Variants in DST observed in about 807,000 individuals in gnomAD.
DST encodes bullous pemphigoid antigen.
Under a neutral mutation model 875.2 loss-of-function variants are expected in DST, and 253 were observed. That is an observed-to-expected ratio of 0.29 (90% CI 0.26 to 0.32). The LOEUF is 0.32. Among genes scored for constraint, DST ranks in the 10% least tolerant of loss-of-function variants. The probability of loss-of-function intolerance (pLI) is 1.00; values close to 1 mark genes in which losing one functional copy is unlikely to be tolerated. For synonymous variants in DST, 3,124 were observed against 3,197.1 expected, an observed-to-expected ratio of 0.98 and a Z score of 0.77; for missense variants, 8,287 against 9,111.6, an observed-to-expected ratio of 0.91 and a Z score of 3.68.
At position 56,501,147 on chromosome 6, in the gene DST, AAGCCCT is replaced by A; in HGVS notation, c.19823_19828del (p.Glu6608_Leu6610delinsVal). 6.2e-7 allele frequency: 1 copy of A among 1,612,810 alleles called. No homozygotes were observed. Among genetic ancestry groups the A allele is most frequent in the Non-Finnish European group, 8.5e-7 (1 of 1,179,280 alleles). The stretch of plus-strand genomic sequence containing the variant: ...TCCAACAGGTTTCTGCTCACTTAGC[AAGCCCT>A]CGGTGTGTGTCAGCCATGCCAGGAG... On this transcript the variant is annotated inframe_deletion, in exon 80 of 104. Transcript: ENST00000680361.
At chr6:56,661,256 CAAG>C (rs2099039351) in intron 10 of DST, among the ~76,000 whole-genome samples, 1 of 152,024 alleles carries the variant, frequency 6.6e-6, no homozygotes, top group African/African-American at 2.4e-5. Context: ...AGTCAAAATA[CAAG>C]AAGTGTTAAA....
intron 4 of DST, among the ~76,000 whole-genome samples, chr6:56,744,567 G>T (rs183151981): frequency 6.6e-6 from 1 of 152,168 alleles, no homozygotes; most frequent in East Asian, 1.9e-4. Context: ...GGAATAGTTG[G>T]GATCGTTGAA....
chr6:56,600,031 C>T, intron 45 of DST, 38 bp downstream of exon 45: 1 of 1,558,440 alleles, frequency 6.4e-7, no homozygotes, highest in Non-Finnish European at 8.8e-7. Flanking sequence ...TCGAACATAA[C>T]ATCAACATAG....
At chr6:56,907,210 G>C (rs1486122386) in intron 2 of DST, among the ~76,000 whole-genome samples, 1 of 152,188 alleles carries the variant, frequency 6.6e-6, no homozygotes, top group African/African-American at 2.4e-5. Context: ...CAGACATCCA[G>C]TCTTGATTGT....
chr6:56,654,233 A>T (rs1462894425), intron 10 of DST, among the ~76,000 whole-genome samples: 1 of 152,136 alleles, frequency 6.6e-6, no homozygotes, highest in Non-Finnish European at 1.5e-5. Flanking sequence ...GATAATGTTA[A>T]TGTTTCAAAA....
In DST at chr6:56,625,838, C is replaced by G. The variant is rs976647096; in HGVS notation, c.4723-574G>C. 3.3e-5 allele frequency among the ~76,000 whole-genome samples: 5 copies of G among 151,570 alleles called. No individual in the cohort carries two copies. The South Asian group carries it at 6.2e-4, about 19-fold the overall frequency. On this transcript the variant is annotated intron_variant, in intron 34 of 103. Coordinates refer to ENST00000680361, the MANE Select transcript of DST (RefSeq NM_001374736.1). ...TATCATAGGAGAAGACAGCTCCATACATGTGATTGCCCCTGAAGACCTTCC... is the reference window on the plus strand; with the variant it reads ...TATCATAGGAGAAGACAGCTCCATAGATGTGATTGCCCCTGAAGACCTTCC...
At chr6:56,760,497 G>T (rs1431566679) in intron 4 of DST, among the ~76,000 whole-genome samples, 1 of 151,984 alleles carries the variant, frequency 6.6e-6, no homozygotes, top group Non-Finnish European at 1.5e-5. Flanking sequence ...AGATATTTAT[G>T]AGCTCAGATC....
intron 2 of DST, among the ~76,000 whole-genome samples, chr6:56,916,355 TATTGG>T (rs1800917901): frequency 6.6e-6 from 1 of 152,064 alleles, no homozygotes; most frequent in Non-Finnish European, 1.5e-5. Flanking sequence ...AACTACAAAG[TATTGG>T]ACCTTCAGTT....
rs569185098 is a variant in DST at position 56,637,968 on chromosome 6, T to A, written c.2964+1291A>T. Among the ~76,000 whole-genome samples the A allele has an allele frequency of 2.0e-5, 3 of 152,102 alleles. No homozygotes were observed. In the South Asian group the frequency reaches 6.2e-4, roughly 32 times the overall value. ...CAGTAAATTGGCTATAAAAGATGTA[T>A]CATATTTTTTTCATATAAAATATGA... is the stretch of plus-strand genomic sequence containing the variant. On this transcript the variant is annotated intron_variant, in intron 22 of 103. Coordinates refer to ENST00000680361, the MANE Select transcript of DST (RefSeq NM_001374736.1).
intron 57 of DST, 77 bp from the exon 58 acceptor site, chr6:56,560,500 C>T: frequency 7.1e-7 from 1 of 1,409,610 alleles, no homozygotes; most frequent in Non-Finnish European, 9.6e-7. Context: ...CATTATTTTT[C>T]TCTAGAATAA....
At chr6:56,638,012 CTAAA>C (rs2098842928) in intron 22 of DST, among the ~76,000 whole-genome samples, 1 of 151,892 alleles carries the variant, frequency 6.6e-6, no homozygotes, top group African/African-American at 2.4e-5. Flanking sequence ...TGATAATTAA[CTAAA>C]TATTATCCAT....
intron 9 of DST, among the ~76,000 whole-genome samples, chr6:56,689,439 T>A (rs1257816901): frequency 6.6e-6 from 1 of 152,228 alleles, no homozygotes; most frequent in Non-Finnish European, 1.5e-5. Flanking sequence ...AAGGTGATGC[T>A]GATTCTCTAA....
chr6:56,723,302 C>T (rs887851470), intron 5 of DST, among the ~76,000 whole-genome samples: 2 of 152,154 alleles, frequency 1.3e-5, no homozygotes, highest in African/African-American at 2.4e-5. Context: ...TGGTGGCTTA[C>T]GCCTGTAATC....
chr6:56,823,329 T>C (rs1473528051), intron 4 of DST, among the ~76,000 whole-genome samples: 1 of 152,248 alleles, frequency 6.6e-6, no homozygotes, highest in Non-Finnish European at 1.5e-5. Context: ...TCTAGAATTT[T>C]GTCCTTCACT....
At chr6:56,489,632 G>T in intron 85 of DST, 23 bp from the exon 86 acceptor site, 1 of 1,596,438 alleles carries the variant, frequency 6.3e-7, no homozygotes, top group South Asian at 1.1e-5. Context: ...TCACACCTTT[G>T]TCTGAAAATT....
chr6:56,745,314 A>G (rs2099569222), intron 4 of DST, among the ~76,000 whole-genome samples: 1 of 152,226 alleles, frequency 6.6e-6, no homozygotes, highest in South Asian at 2.1e-4. Flanking sequence ...CTGTTGTGGC[A>G]ACAAAAGACT....
Position 56,604,501 on chromosome 6 carries a change from G to T in DST, c.10127C>A (p.Pro3376His). The T allele has an allele frequency of 1.2e-6, 2 of 1,612,456 alleles. No homozygotes were observed. Among genetic ancestry groups the T allele is most frequent in the South Asian group, 2.2e-5 (2 of 91,018 alleles). Reference sequence around the variant, plus strand: ...AATTTTAGTGTCTGCACAGGCTGAAGGTTCTTCAACCTCTTGAGGGTTCAT... The same window carrying T: ...AATTTTAGTGTCTGCACAGGCTGAATGTTCTTCAACCTCTTGAGGGTTCAT... ...GHMNPQEVEE[P>H]SACADTKILI... The change falls in exon 40 of 104, where the codon CCT (proline) becomes CAT (histidine). Residue 3376 changes from proline (P) to histidine (H), a missense_variant. Transcript: ENST00000680361.
chr6:56,735,011 A>T, intron 5 of DST: 1 of 464,868 alleles, frequency 2.2e-6, no homozygotes, highest in Non-Finnish European at 3.8e-6. Context: ...CACAGAATGC[A>T]CTGAAATCAC....
At chr6:56,703,168 T>C (rs1414656846) in intron 7 of DST, among the ~76,000 whole-genome samples, 1 of 152,136 alleles carries the variant, frequency 6.6e-6, no homozygotes, top group Non-Finnish European at 1.5e-5. Flanking sequence ...GTAAAACATG[T>C]CCATCAAATA....
Sources: gnomAD v4.1 joint callset for allele counts (sites outside exome capture counted in the v4.1 genomes callset) on GRCh38, gnomAD v4.1.1 for gene constraint, MANE v1.5 for transcripts, NCBI Gene and HGNC (gene_info 2026-07-23, HGNC 2026-07-21) for gene names.